Variants in PCDH15 observed in about 807,000 individuals in gnomAD.
PCDH15 encodes protocadherin related 15, also known as protocadherin-15.
PCDH15 carries 129 observed loss-of-function variants against 178.5 expected under a neutral mutation model. The observed-to-expected ratio is 0.72, with a 90% CI of 0.63 to 0.84. The LOEUF is 0.84. Ranked by LOEUF, PCDH15 falls within the 40% of genes least tolerant of loss-of-function variation. The probability of loss-of-function intolerance (pLI) is 0.00; values close to 1 mark genes in which losing one functional copy is unlikely to be tolerated. For synonymous variants in PCDH15, 800 were observed against 732.0 expected, an observed-to-expected ratio of 1.09 and a Z score of -1.50; for missense variants, 2,230 against 2,099.9, an observed-to-expected ratio of 1.06 and a Z score of -1.21.
chr10:54,403,112 G>T (rs113803343), intron 3 of PCDH15, among the ~76,000 whole-genome samples: 3,983 of 152,028 alleles, frequency 0.026, 168 homozygotes, highest in African/African-American at 0.089. Context: ...AAACCTTATT[G>T]GTGATAAGTA....
chr10:54,855,726 T>C (rs1953729465), intron 3 of PCDH15, among the ~76,000 whole-genome samples: 1 of 152,176 alleles, frequency 6.6e-6, no homozygotes, highest in African/African-American at 2.4e-5. Flanking sequence ...CTCAGAGAAA[T>C]ATGATCATCC....
chr10:53,849,823 T>C (rs2078228672), intron 28 of PCDH15, among the ~76,000 whole-genome samples: 1 of 124,412 alleles, frequency 8.0e-6, no homozygotes, highest in Non-Finnish European at 1.5e-5. Context: ...ATCGCGCCAC[T>C]GCACTCCAGC....
chr10:53,874,865 G>T (rs964408693), intron 26 of PCDH15, among the ~76,000 whole-genome samples: 58 of 151,906 alleles, frequency 3.8e-4, no homozygotes, highest in African/African-American at 1.3e-3. Context: ...TAAAAAATGA[G>T]ACTCGTTGAA....
intron 2 of PCDH15, among the ~76,000 whole-genome samples, chr10:55,476,397 G>T (rs1840062600): frequency 6.6e-6 from 1 of 151,978 alleles, no homozygotes; most frequent in Non-Finnish European, 1.5e-5. Flanking sequence ...CCATCATCAT[G>T]CAGTGAGCTT....
At chr10:55,286,652 C>CA (rs1842878608) in intron 1 of PCDH15, among the ~76,000 whole-genome samples, 1 of 151,928 alleles carries the variant, frequency 6.6e-6, no homozygotes, top group African/African-American at 2.4e-5. Flanking sequence ...TATTTTAAAA[C>CA]TTGGCCAAGT....
intron 10 of PCDH15, among the ~76,000 whole-genome samples, chr10:54,206,294 CCA>C (rs1190068413): frequency 6.6e-6 from 1 of 152,040 alleles, no homozygotes; most frequent in Non-Finnish European, 1.5e-5. Flanking sequence ...CTGGGGAAGA[CCA>C]CAGATTCTGA....
intron 2 of PCDH15, among the ~76,000 whole-genome samples, chr10:55,359,975 C>T (rs567426188): frequency 8.6e-5 from 13 of 151,382 alleles, no homozygotes; most frequent in African/African-American, 3.1e-4. Flanking sequence ...AGGTGATTAC[C>T]GGGGCTGGGA....
intron 2 of PCDH15, among the ~76,000 whole-genome samples, chr10:54,634,707 C>T (rs1055999979): frequency 1.6e-4 from 24 of 152,042 alleles, no homozygotes; most frequent in African/African-American, 3.4e-4. Context: ...AAGATGCTTG[C>T]GCGTATACAC....
chr10:53,896,606 A>T (rs2081969821), intron 26 of PCDH15, among the ~76,000 whole-genome samples: 1 of 152,176 alleles, frequency 6.6e-6, no homozygotes, highest in Non-Finnish European at 1.5e-5. Flanking sequence ...CCAGTCGGTG[A>T]CCTGTTAAGA....
chr10:54,773,753 T>A (rs2133298010), intron 1 of PCDH15, among the ~76,000 whole-genome samples: 1 of 152,286 alleles, frequency 6.6e-6, no homozygotes, highest in South Asian at 2.1e-4. Flanking sequence ...AAAAGAGTTC[T>A]TATTGATTTT....
chr10:54,591,172 T>C (rs117764647), intron 2 of PCDH15, among the ~76,000 whole-genome samples: 1,806 of 152,270 alleles, frequency 0.012, 17 homozygotes, highest in Non-Finnish European at 0.019. Context: ...GTCCATTACC[T>C]AATTCCAAGA....
intron 2 of PCDH15, among the ~76,000 whole-genome samples, chr10:55,529,104 T>A (rs1841384174): frequency 6.6e-6 from 1 of 152,110 alleles, no homozygotes; most frequent in South Asian, 2.1e-4. Context: ...TTTGTTTGAG[T>A]TCTTTGTAGA....
chr10:54,296,500 T>A (rs951567556), intron 8 of PCDH15, among the ~76,000 whole-genome samples: 1 of 152,144 alleles, frequency 6.6e-6, no homozygotes, highest in South Asian at 2.1e-4. Context: ...GCCTCTCTTC[T>A]CTGAGGCTAG....
chr10:55,619,432 A>C (rs1016701594), intron 2 of PCDH15, among the ~76,000 whole-genome samples: 1 of 152,020 alleles, frequency 6.6e-6, no homozygotes, highest in Non-Finnish European at 1.5e-5. Flanking sequence ...AAATATGCTC[A>C]AGAGCTATTA....
At chr10:55,295,460 T>A (rs1013394712) in intron 1 of PCDH15, among the ~76,000 whole-genome samples, 2 of 152,244 alleles carry the variant, frequency 1.3e-5, no homozygotes, top group Non-Finnish European at 2.9e-5. Context: ...AAGAATTATT[T>A]AAGTATTGTT....
At chr10:55,418,979 T>C (rs934969735) in intron 2 of PCDH15, among the ~76,000 whole-genome samples, 4 of 151,778 alleles carry the variant, frequency 2.6e-5, no homozygotes, top group Admixed American at 2.6e-4. Context: ...TATCTACGTA[T>C]TATATTTGTT....
At chr10:55,052,312 G>T (rs1156399894) in intron 2 of PCDH15, among the ~76,000 whole-genome samples, 2 of 87,062 alleles carry the variant, frequency 2.3e-5, no homozygotes, top group Non-Finnish European at 4.4e-5. Flanking sequence ...GGATGGTCGC[G>T]ATCTCCTTAC....
intron 1 of PCDH15, among the ~76,000 whole-genome samples, chr10:54,716,787 A>G (rs1448906371): frequency 2.6e-5 from 4 of 151,448 alleles, no homozygotes; most frequent in African/African-American, 9.7e-5. Context: ...ACCAAAAAAG[A>G]GCCCGCATCA....
chr10:54,674,408 A>G (rs926003255), intron 1 of PCDH15, among the ~76,000 whole-genome samples: 2 of 152,154 alleles, frequency 1.3e-5, no homozygotes, highest in African/African-American at 4.8e-5. Context: ...TACTATGAAA[A>G]TCATGTATGA....
Sources: allele counts gnomAD v4.1 joint callset (sites outside exome capture counted in the v4.1 genomes callset), GRCh38; gene constraint gnomAD v4.1.1; transcripts MANE v1.5; gene names NCBI Gene and HGNC (gene_info 2026-07-23, HGNC 2026-07-21).